The following RIN3 variants were observed in gnomAD, a reference collection of about 807,000 sequenced individuals.
The protein encoded by RIN3 is Ras and Rab interactor 3.
A neutral mutation model predicts 76.3 loss-of-function variants in RIN3; 54 were observed. The ratio of observed to expected loss-of-function variants is 0.71; its 90% CI spans 0.57 to 0.89. The LOEUF (loss-of-function observed/expected upper bound fraction) is 0.89. Among genes scored for constraint, RIN3 ranks in the 40% least tolerant of loss-of-function variants. The pLI, the probability that RIN3 is intolerant of heterozygous loss-of-function variation, is 0.00. For missense variants in RIN3, 1,256 were observed against 1,322.1 expected, an observed-to-expected ratio of 0.95 and a Z score of 0.78; for synonymous variants, 576 against 564.0, an observed-to-expected ratio of 1.02 and a Z score of -0.30.
chr14:92,513,837 G>A lies in RIN3; in HGVS notation c.-96G>A. On this transcript the variant is annotated 5_prime_UTR_variant, in exon 1 of 10. Transcript: ENST00000216487. ...CAGCGGCGGCCTGGCCCTTCCAGAG[G>A]GCCAGAGCCAGGGACATGCGGGCGC... 3 of 881,908 alleles carry A rather than the reference G, an allele frequency of 3.4e-6. 1 individual carries two copies. Among genetic ancestry groups the A allele is most frequent in the Non-Finnish European group, 4.5e-6 (3 of 667,948 alleles). The allele number at this position is 881,908 out of a possible 1,614,324, so 54.6% of individuals were successfully genotyped here.
intron 7 of RIN3, 109 bp downstream of exon 7, chr14:92,659,578 A>T (rs768307355): frequency 9.5e-7 from 1 of 1,057,924 alleles, no homozygotes; most frequent in East Asian, 2.5e-5. Context: ...GACTTTCCAG[A>T]TTCAGAGCCC....
At chr14:92,605,135 A>G (rs1595449721) in intron 3 of RIN3, among the ~76,000 whole-genome samples, 1 of 151,538 alleles carries the variant, frequency 6.6e-6, no homozygotes, top group South Asian at 2.1e-4. Flanking sequence ...GGTCTCAAAT[A>G]CCTGAGTTCA....
At chr14:92,616,334 T>G (rs1885965200) in intron 4 of RIN3, among the ~76,000 whole-genome samples, 1 of 152,218 alleles carries the variant, frequency 6.6e-6, no homozygotes, top group South Asian at 2.1e-4. Context: ...TACAGAATTT[T>G]GGGAATATTA....
Position 92,647,718 on chromosome 14 carries a change from C to A in RIN3, c.533-3864C>A, listed in dbSNP as rs540979146. Among the ~76,000 whole-genome samples the A allele has an allele frequency of 2.6e-5, 4 of 152,290 alleles. No individual in the cohort carries two copies. In the South Asian group the frequency reaches 8.3e-4, roughly 32 times the overall value. On this transcript the variant is annotated intron_variant, in intron 5 of 9. Transcript: ENST00000216487. The stretch of plus-strand genomic sequence containing the variant: ...TGGAACACTTTGCCTTTACTCATCC[C>A]CTTCCTGTCCTGCCACCAGCCCCAA...
chr14:92,672,637 A>T (rs1651467628), intron 7 of RIN3, among the ~76,000 whole-genome samples: 1 of 150,170 alleles, frequency 6.7e-6, no homozygotes, highest in South Asian at 2.1e-4. Context: ...CCACAAAGAT[A>T]AATTATATAT....
At chr14:92,672,665 T>G (rs1305512506) in intron 7 of RIN3, among the ~76,000 whole-genome samples, 1 of 147,532 alleles carries the variant, frequency 6.8e-6, no homozygotes, top group Non-Finnish European at 1.5e-5. Flanking sequence ...TGTGCATGTG[T>G]GTGTGTGTGT....
chr14:92,519,122 T>C (rs1896524051), intron 1 of RIN3, among the ~76,000 whole-genome samples: 6 of 151,834 alleles, frequency 4.0e-5, no homozygotes. Context: ...TGTCCTAGAG[T>C]AATAGCATTC....
chr14:92,612,637 T>C (rs1033466104), intron 3 of RIN3, among the ~76,000 whole-genome samples: 22 of 152,342 alleles, frequency 1.4e-4, no homozygotes, highest in African/African-American at 5.3e-4. Flanking sequence ...ATGCAGGGTC[T>C]CCCCGTGTGT....
At chr14:92,549,766 C>T (rs545442842) in intron 1 of RIN3, among the ~76,000 whole-genome samples, 11 of 152,350 alleles carry the variant, frequency 7.2e-5, no homozygotes, top group South Asian at 6.2e-4. Flanking sequence ...GGGTGTCCGG[C>T]GGCAGCCATA....
chr14:92,541,224 TG>T (rs1472226262), intron 1 of RIN3, among the ~76,000 whole-genome samples: 1 of 152,246 alleles, frequency 6.6e-6, no homozygotes, highest in East Asian at 1.9e-4. Context: ...CATAAACCCT[TG>T]TTATCTCCAT....
chr14:92,600,399 G>A (rs1885301739), intron 3 of RIN3, among the ~76,000 whole-genome samples: 1 of 152,032 alleles, frequency 6.6e-6, no homozygotes, highest in Admixed American at 6.5e-5. Context: ...GCCTAAGGGG[G>A]GTGGGAAGAA....
At chr14:92,534,720 A>AG (rs1273674432) in intron 1 of RIN3, among the ~76,000 whole-genome samples, 1 of 152,082 alleles carries the variant, frequency 6.6e-6, no homozygotes, top group Non-Finnish European at 1.5e-5. Flanking sequence ...GCAGCCAGGC[A>AG]GGGGGTCTCT....
At chr14:92,521,562 C>T (rs1404761489) in intron 1 of RIN3, among the ~76,000 whole-genome samples, 1 of 152,084 alleles carries the variant, frequency 6.6e-6, no homozygotes, top group Non-Finnish European at 1.5e-5. Flanking sequence ...CACCTCCCTG[C>T]TCTCTCCCTC....
At chr14:92,519,703 C>T (rs534161701) in intron 1 of RIN3, among the ~76,000 whole-genome samples, 7 of 152,212 alleles carry the variant, frequency 4.6e-5, no homozygotes, top group East Asian at 1.9e-4. Context: ...AGATAGCCAA[C>T]GCGTCCCTGT....
At position 92,649,929 on chromosome 14, in the gene RIN3, G is replaced by A. The variant is rs185215283; in HGVS notation, c.533-1653G>A. Among the ~76,000 whole-genome samples the A allele has an allele frequency of 7.2e-5, 11 of 152,232 alleles. No homozygotes were observed. In the East Asian group the frequency reaches 7.7e-4, roughly 11 times the overall value. ...AGCTGGTGGGTCGCAGTTCACTTCC[G>A]GTCTGTTTCTTCAGTCCCTTTGTCC... On this transcript the variant is annotated intron_variant, in intron 5 of 9. Transcript: ENST00000216487.
Position 92,547,101 on chromosome 14 carries a change from A to AT in RIN3, c.45-8650_45-8649insT, listed in dbSNP as rs1897290899. Among the ~76,000 whole-genome samples, 3 of 77,550 alleles carry AT rather than the reference A, an allele frequency of 3.9e-5. 1 individual carries two copies. The highest frequency in any genetic ancestry group is 8.6e-5 in the Non-Finnish European group (3 of 34,862). 50.9% of individuals were successfully genotyped at this position (77,550 alleles called of 152,430 possible). A position where few individuals can be genotyped will look rare whatever the true frequency, so the allele number is the denominator to read the frequency against. ...TATTATATTATATTATATTATAATT[A>AT]AATAAATTATCTTTATTTTATTATT... On this transcript the variant is annotated intron_variant, in intron 1 of 9. Transcript: ENST00000216487.
chr14:92,538,306 T>C (rs1466299353), intron 1 of RIN3, among the ~76,000 whole-genome samples: 1 of 152,246 alleles, frequency 6.6e-6, no homozygotes, highest in Non-Finnish European at 1.5e-5. Context: ...ATTATTCCAT[T>C]GTTTGTATGA....
At chr14:92,556,599 G>T (rs1284830748) in intron 2 of RIN3, among the ~76,000 whole-genome samples, 1 of 64,626 alleles carries the variant, frequency 1.5e-5, no homozygotes, top group African/African-American at 5.7e-5. Context: ...TAGATGGATG[G>T]ACGTATGGAC....
Position 92,676,755 on chromosome 14 carries a change from G to T in RIN3, c.2467+149G>T, listed in dbSNP as rs1888479154. 4 of 825,114 alleles carry T rather than the reference G, an allele frequency of 4.8e-6. No homozygotes were observed. In the South Asian group the frequency reaches 6.8e-5, roughly 14 times the overall value. The allele number at this position is 825,114 out of a possible 1,614,324, so 51.1% of individuals were successfully genotyped here. On this transcript the variant is annotated intron_variant, in intron 8 of 9. Transcript: ENST00000216487. ...TGGATGCAAATGTGAATCCTACACA[G>T]GTCCTGTCCTGCAGGAGCTCACAGA... is the stretch of plus-strand genomic sequence containing the variant.
Sources: gnomAD v4.1 joint callset for allele counts (sites outside exome capture counted in the v4.1 genomes callset) on GRCh38, gnomAD v4.1.1 for gene constraint, MANE v1.5 for transcripts, NCBI Gene and HGNC (gene_info 2026-07-23, HGNC 2026-07-21) for gene names.